Variants in PLCB1 observed in about 807,000 individuals in gnomAD.
The protein encoded by PLCB1 is 1-phosphatidylinositol 4,5-bisphosphate phosphodiesterase beta-1.
PLCB1 carries 46 observed loss-of-function variants against 161.8 expected under a neutral mutation model. The observed-to-expected ratio is 0.28, with a 90% CI of 0.22 to 0.36. PLCB1 has a LOEUF of 0.36. Ranked by LOEUF, PLCB1 falls within the 10% of genes least tolerant of loss-of-function variation. The probability of loss-of-function intolerance (pLI) is 1.00; values close to 1 mark genes in which losing one functional copy is unlikely to be tolerated. For synonymous variants in PLCB1, 517 were observed against 503.7 expected (o/e 1.03, Z -0.35); for missense variants, 1,016 against 1,472.5 (o/e 0.69, Z 5.07).
At chr20:8,168,950 T>C (rs1459338732) in intron 2 of PLCB1, among the ~76,000 whole-genome samples, 1 of 152,148 alleles carries the variant, frequency 6.6e-6, no homozygotes. Flanking sequence ...TGCATTTTTC[T>C]GGGATGAAAA....
intron 2 of PLCB1, among the ~76,000 whole-genome samples, chr20:8,240,304 A>ACGCG (rs1491159004): frequency 2.7e-5 from 4 of 149,848 alleles, no homozygotes; most frequent in African/African-American, 7.3e-5. Context: ...ACACACACAC[A>ACGCG]CGCACACACA....
intron 3 of PLCB1, among the ~76,000 whole-genome samples, chr20:8,605,119 C>T (rs1167851832): frequency 2.6e-5 from 4 of 151,356 alleles, no homozygotes; most frequent in Admixed American, 6.7e-5. Context: ...TGGAAAATAT[C>T]GTAAAATACA....
At chr20:8,808,003 G>A (rs542941424) in intron 31 of PLCB1, among the ~76,000 whole-genome samples, 5 of 152,140 alleles carry the variant, frequency 3.3e-5, no homozygotes, top group Non-Finnish European at 7.3e-5. Context: ...GGAAACCAAG[G>A]AAGGCTTCAC....
At chr20:8,171,444 T>C (rs909386038) in intron 2 of PLCB1, among the ~76,000 whole-genome samples, 1 of 152,162 alleles carries the variant, frequency 6.6e-6, no homozygotes, top group African/African-American at 2.4e-5. Flanking sequence ...TGATTTAGGT[T>C]ACTTCTTTTG....
At chr20:8,454,739 C>A (rs1981223204) in intron 3 of PLCB1, among the ~76,000 whole-genome samples, 1 of 152,188 alleles carries the variant, frequency 6.6e-6, no homozygotes, top group East Asian at 1.9e-4. Flanking sequence ...CTGATTCAGA[C>A]CTTCCCTGGG....
chr20:8,305,524 T>C (rs1984092312), intron 2 of PLCB1: 2 of 152,184 alleles, frequency 1.3e-5, no homozygotes, highest in Non-Finnish European at 2.9e-5. Flanking sequence ...CAAACACACC[T>C]TGGGGTCTGT....
chr20:8,200,520 A>T (rs565244157), intron 2 of PLCB1, among the ~76,000 whole-genome samples: 1 of 151,978 alleles, frequency 6.6e-6, no homozygotes, highest in Non-Finnish European at 1.5e-5. Context: ...CAGAGAATGA[A>T]ATTGTTTTAT....
chr20:8,724,588 T>C, intron 15 of PLCB1, 68 bp from the exon 16 acceptor site: 1 of 911,734 alleles, frequency 1.1e-6, no homozygotes, highest in South Asian at 1.4e-5. Flanking sequence ...GTTGTCATTT[T>C]CCTGGGAAAA....
intron 12 of PLCB1, among the ~76,000 whole-genome samples, chr20:8,712,961 A>G (rs1397087613): frequency 1.3e-5 from 2 of 152,144 alleles, no homozygotes; most frequent in Non-Finnish European, 2.9e-5. Context: ...TGCAATTTTA[A>G]TGCCTTTTAT....
intron 3 of PLCB1, among the ~76,000 whole-genome samples, chr20:8,415,360 A>G (rs562054731): frequency 6.6e-6 from 1 of 152,342 alleles, no homozygotes; most frequent in South Asian, 2.1e-4. Flanking sequence ...AAAAAGTTTA[A>G]AGGAAGGAAA....
intron 2 of PLCB1, among the ~76,000 whole-genome samples, chr20:8,354,020 A>T (rs1986278117): frequency 6.9e-6 from 1 of 145,304 alleles, no homozygotes. Flanking sequence ...AGGCTATTTA[A>T]AAAAAAAAAA....
intron 3 of PLCB1, among the ~76,000 whole-genome samples, chr20:8,474,346 G>A (rs1180973725): frequency 6.6e-6 from 1 of 152,182 alleles, no homozygotes; most frequent in Non-Finnish European, 1.5e-5. Context: ...TGGAAGATGG[G>A]CTGTCAGAGT....
At chr20:8,800,583 T>G (rs952097312) in intron 31 of PLCB1, among the ~76,000 whole-genome samples, 4 of 152,126 alleles carry the variant, frequency 2.6e-5, no homozygotes, top group African/African-American at 9.7e-5. Flanking sequence ...ATATAAAAAT[T>G]TGTGTCAAAG....
chr20:8,644,404 G>A (rs1465953583), intron 4 of PLCB1, among the ~76,000 whole-genome samples: 10 of 144,548 alleles, frequency 6.9e-5, no homozygotes, highest in Non-Finnish European at 1.2e-4. Context: ...GTCTCTGCCC[G>A]GCCACCCATC....
chr20:8,486,516 T>C (rs1982733088), intron 3 of PLCB1, among the ~76,000 whole-genome samples: 1 of 127,190 alleles, frequency 7.9e-6, no homozygotes, highest in South Asian at 2.6e-4. Context: ...TTAGACGGAG[T>C]CTCGCTCTGT....
chr20:8,292,254 G>A (rs1176989242), intron 2 of PLCB1, among the ~76,000 whole-genome samples: 1 of 151,948 alleles, frequency 6.6e-6, no homozygotes, highest in Non-Finnish European at 1.5e-5. Flanking sequence ...GCTTCTGCTT[G>A]CCTGCAAAGT....
chr20:8,167,219 C>G (rs76407405), intron 2 of PLCB1, among the ~76,000 whole-genome samples: 1 of 152,148 alleles, frequency 6.6e-6, no homozygotes, highest in South Asian at 2.1e-4. Context: ...GTCTTATTGA[C>G]TGCTGTATTT....
intron 19 of PLCB1, among the ~76,000 whole-genome samples, chr20:8,736,779 C>A (rs557436572): frequency 1.3e-5 from 2 of 152,236 alleles, no homozygotes; most frequent in South Asian, 4.1e-4. Context: ...CTCCCATAAT[C>A]CAATCACCCT....
intron 2 of PLCB1, among the ~76,000 whole-genome samples, chr20:8,351,437 T>C (rs1196998275): frequency 6.6e-6 from 1 of 151,726 alleles, no homozygotes; most frequent in African/African-American, 2.4e-5. Flanking sequence ...TGTGGATGAG[T>C]TTTTAGATAC....
Sources: gnomAD v4.1 joint callset for allele counts (sites outside exome capture counted in the v4.1 genomes callset) on GRCh38, gnomAD v4.1.1 for gene constraint, MANE v1.5 for transcripts, NCBI Gene and HGNC (gene_info 2026-07-23, HGNC 2026-07-21) for gene names.